FBN2: variants seen among roughly 807,000 people sequenced by gnomAD.
FBN2 encodes the protein fibrillin 2.
A neutral mutation model predicts 355.6 loss-of-function variants in FBN2; 105 were observed. The observed-to-expected ratio is 0.30, with a 90% confidence interval of 0.25 to 0.35. The LOEUF is 0.35. FBN2 is among the 10% of genes least tolerant of loss of function. FBN2 has a pLI of 1.00. For missense variants in FBN2, 3,280 were observed against 3,758.7 expected (o/e 0.87, Z 3.33); for synonymous variants, 1,350 against 1,301.2 (o/e 1.04, Z -0.81).
chr5:128,276,193 G>A, intron 58 of FBN2, 33 bp from the exon 59 acceptor site: 1 of 1,609,392 alleles, frequency 6.2e-7, no homozygotes, highest in Non-Finnish European at 8.5e-7. Flanking sequence ...TTAAATTACT[G>A]GTTAAAAGAA....
intron 6 of FBN2, among the ~76,000 whole-genome samples, chr5:128,464,312 G>C (rs1754637096): frequency 6.6e-6 from 1 of 152,220 alleles, no homozygotes; most frequent in South Asian, 2.1e-4. Context: ...GCCAATATTA[G>C]GTGGCTTTCT....
At chr5:128,301,600 A>G in intron 46 of FBN2, 90 bp from the exon 47 acceptor site, 1 of 1,268,480 alleles carries the variant, frequency 7.9e-7, no homozygotes, top group Non-Finnish European at 1.1e-6. Context: ...ACTTATTGGC[A>G]TGCATTTATA....
At chr5:128,529,136 G>A (rs371448048) in intron 3 of FBN2, among the ~76,000 whole-genome samples, 1 of 152,200 alleles carries the variant, frequency 6.6e-6, no homozygotes, top group East Asian at 1.9e-4. Context: ...CTTGAGTGGA[G>A]ATGTCAAATG....
In FBN2 at chr5:128,261,894, C is replaced by T. The variant is rs756468892; in HGVS notation, c.8206G>A (p.Gly2736Arg). Residue 2736 changes from glycine to arginine, a missense_variant, in exon 64 of 65, where the codon GGA becomes AGA. Gly to Arg is a moderately radical substitution (Grantham distance 125). Around this residue, in one of 6 missense-constraint regions of FBN2, gnomAD observed 311 missense variants for 319.1 expected, o/e 0.97. Coordinates refer to ENST00000262464, the MANE Select transcript of FBN2 (RefSeq NM_001999.4). ...YRVGQGHCVSGMGFNKGQYLS... is the reference protein window; with the variant it reads ...YRVGQGHCVSRMGFNKGQYLS... Reference sequence around the variant, plus strand: ...TACTGCCCCTTGTTAAATCCCATTCCTGAGACACAGTGGCTATTTGCAAAA... The same window carrying T: ...TACTGCCCCTTGTTAAATCCCATTCTTGAGACACAGTGGCTATTTGCAAAA... 1.9e-6 allele frequency: 3 copies of T among 1,614,100 alleles called. No individual in the cohort carries two copies. Among genetic ancestry groups the T allele is most frequent in the Non-Finnish European group, 2.5e-6 (3 of 1,179,936 alleles).
At chr5:128,283,241 T>TCTC (rs1350186585) in intron 55 of FBN2, among the ~76,000 whole-genome samples, 2 of 152,186 alleles carry the variant, frequency 1.3e-5, no homozygotes, top group Non-Finnish European at 2.9e-5. Context: ...TACAAAAAAC[T>TCTC]CTCTTATTCA....
rs1752616775 is a variant in FBN2 at position 128,395,242 on chromosome 5, C to T, written c.1111G>A (p.Val371Met). ...QRTGMCFSGL[V>M]NGRCAQELPG... ...AGCTCTTGTGCACAGCGGCCATTCACCAGGCCCGAGAAACACATGCCTGTT... is the reference window on the plus strand; with the variant it reads ...AGCTCTTGTGCACAGCGGCCATTCATCAGGCCCGAGAAACACATGCCTGTT... Residue 371 changes from valine to methionine, a missense_variant, in exon 9 of 65, where the codon GTG becomes ATG. Val to Met is a conservative substitution (Grantham distance 21). Coordinates refer to ENST00000262464, the MANE Select transcript of FBN2 (RefSeq NM_001999.4). 2 of 1,614,004 alleles carry T rather than the reference C, an allele frequency of 1.2e-6. No individual in the cohort carries two copies. Among genetic ancestry groups the T allele is most frequent in the African/African-American group, 2.7e-5 (2 of 74,912 alleles).
At chr5:128,425,738 C>T (rs768088847) in intron 7 of FBN2, among the ~76,000 whole-genome samples, 1 of 152,028 alleles carries the variant, frequency 6.6e-6, no homozygotes, top group Non-Finnish European at 1.5e-5. Context: ...TGAGCATTAG[C>T]CTCTGTGTTT....
intron 48 of FBN2, among the ~76,000 whole-genome samples, chr5:128,299,608 T>C (rs1749655658): frequency 6.6e-6 from 1 of 152,188 alleles, no homozygotes; most frequent in African/African-American, 2.4e-5. Context: ...GTCACCACTT[T>C]CTTTGACTAG....
chr5:128,263,696 G>C lies in FBN2; in HGVS notation c.7961-40C>G, dbSNP rs933627939. ...AAAGAAACTCTTACACGGGGAAGCA[G>C]GCAAGAGCAAAAACGTGAACAAGTC... is the stretch of plus-strand genomic sequence containing the variant. On this transcript the variant is annotated intron_variant, in intron 62 of 64. Coordinates refer to ENST00000262464, the MANE Select transcript of FBN2 (RefSeq NM_001999.4). The C allele has an allele frequency of 7.3e-6, 11 of 1,506,322 alleles. No individual in the cohort carries two copies. In the African/African-American group the frequency reaches 1.5e-4, roughly 21 times the overall value. 93.3% of individuals were successfully genotyped at this position (1,506,322 alleles called of 1,614,324 possible). A position where few individuals can be genotyped will look rare whatever the true frequency, so the allele number is the denominator to read the frequency against.
chr5:128,498,362 C>T (rs909853142), intron 5 of FBN2, among the ~76,000 whole-genome samples: 6 of 152,200 alleles, frequency 3.9e-5, no homozygotes, highest in African/African-American at 1.4e-4. Context: ...CTGGGATTTC[C>T]CAAAGTACCT....
intron 38 of FBN2, 41 bp from the exon 39 acceptor site, chr5:128,311,466 A>G: frequency 1.2e-6 from 2 of 1,606,878 alleles, no homozygotes; most frequent in Non-Finnish European, 1.7e-6. Flanking sequence ...AAACACCTTC[A>G]CTAAGGATAA....
intron 5 of FBN2, among the ~76,000 whole-genome samples, chr5:128,503,425 C>T (rs1302197771): frequency 1.3e-5 from 2 of 152,076 alleles, no homozygotes; most frequent in Non-Finnish European, 2.9e-5. Flanking sequence ...GAGGCTGGAA[C>T]AGTTTGGAGG....
In FBN2 at chr5:128,338,112, T is replaced by C. The variant is rs761867143; in HGVS notation, c.3483A>G (p.Glu1161=). ...MMMKNCMDID[E]CERNPLLCRG... is the part of the protein sequence containing the mutation. The stretch of plus-strand genomic sequence containing the variant: ...TACAAAGGAGAGGGTTACGTTCACA[T>C]TCGTCAATGTCTGAAAGGTAAAAAC... The change falls in exon 27 of 65, where the codon GAA becomes GAG. Residue 1161 remains glutamate, a synonymous_variant. Coordinates refer to ENST00000262464, the MANE Select transcript of FBN2 (RefSeq NM_001999.4). 6 of 1,613,918 alleles carry C rather than the reference T, an allele frequency of 3.7e-6. No homozygotes were observed. Among genetic ancestry groups the C allele is most frequent in the Non-Finnish European group, 4.2e-6 (5 of 1,179,932 alleles).
chr5:128,359,308 C>T (rs1216022230), intron 19 of FBN2, among the ~76,000 whole-genome samples: 1 of 150,886 alleles, frequency 6.6e-6, no homozygotes, highest in Non-Finnish European at 1.5e-5. Context: ...TAATAATTCC[C>T]TGTCTAGTCT....
intron 10 of FBN2, among the ~76,000 whole-genome samples, chr5:128,392,676 G>T (rs577645834): frequency 6.6e-6 from 1 of 152,212 alleles, no homozygotes; most frequent in African/African-American, 2.4e-5. Flanking sequence ...TACAATATTT[G>T]GATCTGCACA....
intron 19 of FBN2, among the ~76,000 whole-genome samples, chr5:128,359,139 G>A (rs1462507166): frequency 2.0e-5 from 3 of 151,840 alleles, no homozygotes; most frequent in Non-Finnish European, 4.4e-5. Flanking sequence ...GTAAAATAAA[G>A]TTTCTGTAAC....
At chr5:128,388,888 G>T (rs967928780) in intron 11 of FBN2, among the ~76,000 whole-genome samples, 4 of 152,174 alleles carry the variant, frequency 2.6e-5, no homozygotes, top group African/African-American at 9.7e-5. Context: ...GCCTTCTCTA[G>T]CAAGGTTGGA....
intron 17 of FBN2, 120 bp downstream of exon 17, chr5:128,366,257 A>G (rs1751764371): frequency 4.0e-6 from 2 of 501,100 alleles, no homozygotes; most frequent in Non-Finnish European, 7.0e-6. Context: ...GGAGATAATT[A>G]ATCTTATTAT....
Position 128,537,536 on chromosome 5 carries a change from G to T in FBN2, c.68C>A (p.Ala23Glu), listed in dbSNP as rs199560824. 1.3e-6 allele frequency: 2 copies of T among 1,590,822 alleles called. No individual in the cohort carries two copies. The highest frequency in any genetic ancestry group is 3.5e-5 in the Admixed American group (2 of 57,756). The change falls in exon 1 of 65, where the codon GCG becomes GAG. Residue 23 changes from alanine to glutamate, a missense_variant. Ala to Glu is a moderately radical substitution (Grantham distance 107). Transcript: ENST00000262464. ...FLWLGCVVLWAQGTAGQPQPP... is the reference protein window; with the variant it reads ...FLWLGCVVLWEQGTAGQPQPP... Reference sequence around the variant, plus strand: ...CTGAGGCTGGCCGGCCGTGCCCTGCGCCCAGAGCACCACACAGCCCAGCCA... The same window carrying T: ...CTGAGGCTGGCCGGCCGTGCCCTGCTCCCAGAGCACCACACAGCCCAGCCA...
Sources: gnomAD v4.1 joint callset for allele counts (sites outside exome capture counted in the v4.1 genomes callset) on GRCh38, gnomAD v4.1.1 for gene constraint, gnomAD v4.1.1 regional missense constraint, MANE v1.5 for transcripts, NCBI Gene and HGNC (gene_info 2026-07-23, HGNC 2026-07-21) for gene names.